Variants in NACAD observed in about 807,000 individuals in gnomAD.
NACAD encodes NAC-alpha domain-containing protein 1.
NACAD carries 47 observed loss-of-function variants against 98.9 expected under a neutral mutation model. The ratio of observed to expected loss-of-function variants is 0.48; its 90% CI spans 0.38 to 0.61. The LOEUF is 0.61. Among genes scored for constraint, NACAD ranks in the 20% least tolerant of loss-of-function variants. The pLI is 0.00. For synonymous variants in NACAD, 696 were observed against 767.2 expected, an observed-to-expected ratio of 0.91 and a Z score of 1.53; for missense variants, 1,412 against 1,748.2, an observed-to-expected ratio of 0.81 and a Z score of 3.43.
intron 4 of NACAD, 92 bp downstream of exon 4, chr7:45,081,509 T>A (rs1271462526): frequency 6.8e-7 from 1 of 1,470,726 alleles, no homozygotes; most frequent in Non-Finnish European, 9.2e-7. Flanking sequence ...TGGATGGGAT[T>A]TCATTAGCCA....
chr7:45,086,412 TTCAGCCTC>T (rs1784523831), intron 1 of NACAD, among the ~76,000 whole-genome samples: 1 of 151,994 alleles, frequency 6.6e-6, no homozygotes, highest in South Asian at 2.1e-4. Context: ...GAACTAGCAT[TTCAGCCTC>T]TCTGGGGAGA....
rs1281163157 is a variant in NACAD at position 45,082,771 on chromosome 7, G to C, written c.3409C>G (p.Pro1137Ala). ...GTGGCCACAGCTGAGGGAAGCGTGG[G>C]CTCCGGGGTGGACTTGCCACTCAGG... ...RGLSGKSTPE[P>A]TLPSAVATEA... is the part of the protein sequence containing the mutation. The change falls in exon 2 of 8, where the codon CCC becomes GCC. Residue 1137 changes from proline to alanine, a missense_variant. By Grantham distance (27) the Pro-to-Ala change is conservative. This residue lies in a region of NACAD where 572 missense variants were observed against 639.6 expected (regional missense o/e 0.89). Transcript: ENST00000490531. The surrounding 1 kb of genome is among the most constrained non-coding windows in gnomAD (Gnocchi z 4.5). 1.9e-6 allele frequency: 3 copies of C among 1,549,086 alleles called. No homozygotes were observed. Among genetic ancestry groups the C allele is most frequent in the African/African-American group, 1.4e-5 (1 of 73,134 alleles).
Position 45,081,022 on chromosome 7 carries a change from T to C in NACAD, c.4405A>G (p.Ile1469Val), listed in dbSNP as rs1784421698. ...TGCACTTGCTGGGACAGGTCCTCAA[T>C]CTGCAAAATGGAAGACAGCTGTGTC... Reference protein sequence around the residue: ...DTYVVFGEAKIEDLSQQVHKA... With the variant: ...DTYVVFGEAKVEDLSQQVHKA... The change falls in exon 6 of 8, where the codon ATT becomes GTT. Residue 1469 changes from isoleucine to valine, a missense_variant and splice_region_variant. Ile to Val is a conservative substitution (Grantham distance 29). Transcript: ENST00000490531. The C allele has an allele frequency of 4.5e-6, 7 of 1,551,542 alleles. No individual in the cohort carries two copies. Among genetic ancestry groups the C allele is most frequent in the Non-Finnish European group, 6.1e-6 (7 of 1,146,954 alleles).
intron 1 of NACAD, among the ~76,000 whole-genome samples, chr7:45,087,828 C>G (rs1347808998): frequency 2.0e-5 from 3 of 152,220 alleles, no homozygotes; most frequent in Non-Finnish European, 4.4e-5. Context: ...TGAAGCTGGG[C>G]TCTTGGTTCT....
In NACAD at chr7:45,088,782, G is replaced by A. The variant is rs1784560346; in HGVS notation, c.67+46C>T. On this transcript the variant is annotated intron_variant, in intron 1 of 7. Coordinates refer to ENST00000490531, the MANE Select transcript of NACAD (RefSeq NM_001146334.2). This position sits in a 1 kb window ranked among gnomAD's most constrained non-coding sequence, Gnocchi z 5.7. ...AGCGATGGAAAGAGAACCCGGGCTG[G>A]AGAGGGGAGAGGCTGAAGGCAGGGA... 4.9e-6 allele frequency: 7 copies of A among 1,441,440 alleles called. No individual in the cohort carries two copies. The highest frequency in any genetic ancestry group is 2.4e-4 in the Middle Eastern group (1 of 4,120). 89.3% of individuals were successfully genotyped at this position (1,441,440 alleles called of 1,614,324 possible).
In NACAD at chr7:45,086,118, G is replaced by A. The variant is rs1197076176; in HGVS notation, c.68-6C>T. ...GGCCGCATCGCAGGACAGATCTGTG[G>A]AGATAGAGAAGATCATGAGGTGCCC... On this transcript the variant is annotated splice_region_variant and splice_polypyrimidine_tract_variant and intron_variant, in intron 1 of 7. Coordinates refer to ENST00000490531, the MANE Select transcript of NACAD (RefSeq NM_001146334.2). 2 of 1,535,308 alleles carry A rather than the reference G, an allele frequency of 1.3e-6. No homozygotes were observed. Among genetic ancestry groups the A allele is most frequent in the African/African-American group, 1.4e-5 (1 of 73,146 alleles).
rs114089481 is a variant in NACAD, at chr7:45,083,012, C to T, written c.3168G>A (p.Ala1056=). 1.8e-5 allele frequency: 28 copies of T among 1,550,824 alleles called. No homozygotes were observed. Among genetic ancestry groups the T allele is most frequent in the Admixed American group, 1.8e-4 (9 of 50,992 alleles). Residue 1056 remains alanine (A), a synonymous_variant, in exon 2 of 8, where the codon GCG becomes GCA. Transcript: ENST00000490531. ...TAGCCCCATCACCTGTGTGCGCTCG[C>T]GCTTCCAGACATGCTTCCCGTCCAG... is the stretch of plus-strand genomic sequence containing the variant. The part of the protein sequence containing the change: ...SRPGREACLE[A]RAHTGDGAKP...
chr7:45,081,313 G>A (rs571279396), intron 4 of NACAD, 50 bp from the exon 5 acceptor site: 5 of 1,540,642 alleles, frequency 3.2e-6, no homozygotes, highest in South Asian at 1.2e-5. Context: ...GACCCACGTC[G>A]GGGGAGGAGA....
At position 45,082,436 on chromosome 7, in the gene NACAD, G is replaced by A. The variant is rs2128640445; in HGVS notation, c.3744C>T (p.Pro1248=). The change falls in exon 2 of 8, where the codon CCC becomes CCT. Residue 1248 remains proline, a synonymous_variant. Transcript: ENST00000490531. The surrounding 1 kb of genome is among the most constrained non-coding windows in gnomAD (Gnocchi z 4.5). Reference sequence around the variant, plus strand: ...CTTCCTGGGGGTCCTGGCACAGGCAGGGGGCTGGGGGCTCCAGTGGGGGTA... The same window carrying A: ...CTTCCTGGGGGTCCTGGCACAGGCAAGGGGCTGGGGGCTCCAGTGGGGGTA... ...AALPPLEPPA[P]CLCQDPQEDS... The A allele has an allele frequency of 6.5e-7, 1 of 1,548,684 alleles. No individual in the cohort carries two copies.
At chr7:45,087,475 C>T (rs560646339) in intron 1 of NACAD, among the ~76,000 whole-genome samples, 2 of 152,378 alleles carry the variant, frequency 1.3e-5, no homozygotes, top group East Asian at 1.9e-4. Flanking sequence ...GGGGCCAGCT[C>T]TCCAGGCTGC....
chr7:45,084,600 G>A lies in NACAD; in HGVS notation c.1580C>T (p.Pro527Leu), dbSNP rs1188365091. ...GATCTCGCTGATGCCCTCCTGGGAGGGCTGAGGCATTGCCATGGCAGCAGA... is the reference window on the plus strand; with the variant it reads ...GATCTCGCTGATGCCCTCCTGGGAGAGCTGAGGCATTGCCATGGCAGCAGA... ...QESAAMAMPQ[P>L]SQEGISEILG... Residue 527 changes from proline (P) to leucine (L), a missense_variant, in exon 2 of 8, where the codon CCC becomes CTC. By Grantham distance (98) the Pro-to-Leu change is moderately conservative. Around this residue, in one of 5 missense-constraint regions of NACAD, gnomAD observed 638 missense variants for 722.7 expected, o/e 0.88. Coordinates refer to ENST00000490531, the MANE Select transcript of NACAD (RefSeq NM_001146334.2). 2.6e-6 allele frequency: 4 copies of A among 1,551,718 alleles called. No homozygotes were observed. In the African/African-American group the frequency reaches 5.5e-5, roughly 21 times the overall value.
In NACAD at chr7:45,083,018, C is replaced by T. The variant is rs1486048560; in HGVS notation, c.3162G>A (p.Leu1054=). The T allele has an allele frequency of 3.9e-6, 6 of 1,550,972 alleles. No individual in the cohort carries two copies. The South Asian group carries it at 7.1e-5, about 18-fold the overall frequency. The part of the protein sequence containing the change: ...ALSRPGREAC[L]EARAHTGDGA... ...CATCACCTGTGTGCGCTCGCGCTTC[C>T]AGACATGCTTCCCGTCCAGGCCTAG... Residue 1054 remains leucine (L), a synonymous_variant, in exon 2 of 8, where the codon CTG becomes CTA. Coordinates refer to ENST00000490531, the MANE Select transcript of NACAD (RefSeq NM_001146334.2).
In NACAD at chr7:45,085,485, G is replaced by A. The variant is rs1319201323; in HGVS notation, c.695C>T (p.Pro232Leu). 6 of 1,550,814 alleles carry A rather than the reference G, an allele frequency of 3.9e-6. No individual in the cohort carries two copies. The highest frequency in any genetic ancestry group is 5.2e-6 in the Non-Finnish European group (6 of 1,146,932). Residue 232 changes from proline (P) to leucine (L), a missense_variant, in exon 2 of 8, where the codon CCC becomes CTC. By Grantham distance (98) the Pro-to-Leu change is moderately conservative (BLOSUM62 -3). Coordinates refer to ENST00000490531, the MANE Select transcript of NACAD (RefSeq NM_001146334.2). This position sits in a 1 kb window ranked among gnomAD's most constrained non-coding sequence, Gnocchi z 6.1. ...TADGDSWASS[P>L]SCSLSLLAPA... is the part of the protein sequence containing the mutation. ...AGCCAGCAGGCTGAGGGAACAGGAG[G>A]GTGAAGAGGCCCAGCTGTCCCCATC...
At position 45,085,049 on chromosome 7, in the gene NACAD, AG is replaced by A. The variant is rs1295646754; in HGVS notation, c.1130del (p.Ala377ValfsTer88). 1 of 1,550,890 alleles carries A rather than the reference AG, an allele frequency of 6.4e-7. No individual in the cohort carries two copies. Among genetic ancestry groups the A allele is most frequent in the Non-Finnish European group, 8.7e-7 (1 of 1,146,828 alleles). Reference protein sequence around the residue: ...DLSITEGMDEAFAFRDDTSAA... With the variant: ...DLSITEGMDEXFAFRDDTSAA... ...CAGAGGTGTCGTCCCGGAAGGCAAA[AG>A]CCTCGTCCATGCCCTCCGTGATGGA... On this transcript the variant is annotated frameshift_variant, in exon 2 of 8. Coordinates refer to ENST00000490531, the MANE Select transcript of NACAD (RefSeq NM_001146334.2). LOFTEE classifies it high-confidence loss of function. The surrounding 1 kb of genome is among the most constrained non-coding windows in gnomAD (Gnocchi z 6.1).
rs2128640634 is a variant in NACAD at position 45,083,045 on chromosome 7, A to G, written c.3135T>C (p.Leu1045=). 1 of 1,550,878 alleles carries G rather than the reference A, an allele frequency of 6.4e-7. No homozygotes were observed. The highest frequency in any genetic ancestry group is 8.7e-7 in the Non-Finnish European group (1 of 1,146,976). ...GACATGCTTCCCGTCCAGGCCTAGA[A>G]AGGGCTTCTGCTATTTCCTCCCCAG... ...SGAGEEIAEA[L]SRPGREACLE... The change falls in exon 2 of 8, where the codon CTT becomes CTC. Residue 1045 remains leucine (L), a synonymous_variant. Transcript: ENST00000490531.
rs1383062128 is a variant in NACAD at position 45,085,575 on chromosome 7, G to T, written c.605C>A (p.Ala202Asp). 6.5e-7 allele frequency: 1 copy of T among 1,550,184 alleles called. No individual in the cohort carries two copies. Among genetic ancestry groups the T allele is most frequent in the Non-Finnish European group, 8.7e-7 (1 of 1,146,862 alleles). The stretch of plus-strand genomic sequence containing the variant: ...GTCCAGCAGCTCATCCCGCAGCTCA[G>T]CCTCTGAGTCCCTGGCGTCCCCGTG... ...GPHGDARDSE[A>D]ELRDELLDSP... Residue 202 changes from alanine (A) to aspartate (D), a missense_variant, in exon 2 of 8, where the codon GCT becomes GAT. Coordinates refer to ENST00000490531, the MANE Select transcript of NACAD (RefSeq NM_001146334.2). This position sits in a 1 kb window ranked among gnomAD's most constrained non-coding sequence, Gnocchi z 6.1.
chr7:45,086,138 G>A (rs1190738716), intron 1 of NACAD, 26 bp from the exon 2 acceptor site: 64 of 1,532,358 alleles, frequency 4.2e-5, no homozygotes, highest in Non-Finnish European at 5.4e-5. Flanking sequence ...AGATCATGAG[G>A]TGCCCCTGGA....
Position 45,084,675 on chromosome 7 carries a change from A to G in NACAD, c.1505T>C (p.Val502Ala). ...TTCTTCCTCCCCAGCCTGTGGGGTC[A>G]CTCTGGTAGCCACCTCCACCTGGAG... is the stretch of plus-strand genomic sequence containing the variant. ...PGLQVEVATRVTPQAGEEETD... is the reference protein window; with the variant it reads ...PGLQVEVATRATPQAGEEETD... The change falls in exon 2 of 8, where the codon GTG becomes GCG. Residue 502 changes from valine to alanine, a missense_variant. Val to Ala is a moderately conservative substitution (Grantham distance 64). Around this residue, in one of 5 missense-constraint regions of NACAD, gnomAD observed 638 missense variants for 722.7 expected, o/e 0.88. Transcript: ENST00000490531. 6.5e-7 allele frequency: 1 copy of G among 1,550,306 alleles called. No individual in the cohort carries two copies. Among genetic ancestry groups the G allele is most frequent in the Non-Finnish European group, 8.7e-7 (1 of 1,146,656 alleles).
In NACAD at chr7:45,081,655, A is replaced by G. The variant is rs1784431347; in HGVS notation, c.4203T>C (p.Ser1401=). ...GCTTGGCTTTGGCGATGGTCTCCTC[A>G]CTGCCGCCTGCTGGGGCCTGAGAAA... ...QCPAQAPAGG[S]EETIAKAKQS... is the part of the protein sequence containing the mutation. The change falls in exon 4 of 8, where the codon AGT becomes AGC. Residue 1401 remains serine (S), a synonymous_variant. Transcript: ENST00000490531. The G allele has an allele frequency of 6.4e-7, 1 of 1,551,398 alleles. No homozygotes were observed. The highest frequency in any genetic ancestry group is 8.7e-7 in the Non-Finnish European group (1 of 1,146,990).
Sources: gnomAD v4.1 joint callset for allele counts (sites outside exome capture counted in the v4.1 genomes callset) on GRCh38, gnomAD v4.1.1 for gene constraint, gnomAD v4.1.1 regional missense constraint, Gnocchi (gnomAD v3.1) non-coding constraint, MANE v1.5 for transcripts, NCBI Gene and HGNC (gene_info 2026-07-23, HGNC 2026-07-21) for gene names.